The following TBC1D22A variants were observed in gnomAD, a reference collection of about 807,000 sequenced individuals.
TBC1D22A encodes the protein putative GTPase activator.
In TBC1D22A, 38 loss-of-function variants were observed where a neutral mutation model predicts 60.2. The ratio of observed to expected loss-of-function variants is 0.63; its 90% CI spans 0.49 to 0.83. The LOEUF (loss-of-function observed/expected upper bound fraction) is 0.83. Among genes scored for constraint, TBC1D22A ranks in the 40% least tolerant of loss-of-function variants. TBC1D22A has a pLI of 0.00. For missense variants in TBC1D22A, 628 were observed against 701.0 expected, an observed-to-expected ratio of 0.90 and a Z score of 1.18; for synonymous variants, 302 against 281.7, an observed-to-expected ratio of 1.07 and a Z score of -0.72.
chr22:47,051,941 A>G (rs1332320131), intron 11 of TBC1D22A, among the ~76,000 whole-genome samples: 1 of 152,206 alleles, frequency 6.6e-6, no homozygotes, highest in African/African-American at 2.4e-5. Flanking sequence ...AGCAGAGTGC[A>G]TTGCCACTAG....
chr22:46,802,220 C>T (rs568162290), intron 4 of TBC1D22A, among the ~76,000 whole-genome samples: 7 of 152,326 alleles, frequency 4.6e-5, no homozygotes, highest in South Asian at 4.1e-4. Flanking sequence ...GAGGAATCGG[C>T]GGCGAGGCTT....
intron 11 of TBC1D22A, among the ~76,000 whole-genome samples, chr22:47,070,880 T>C (rs1386610611): frequency 6.7e-6 from 1 of 149,792 alleles, no homozygotes; most frequent in Non-Finnish European, 1.5e-5. Flanking sequence ...GGAGCGGGGC[T>C]GACCTGACGG....
intron 3 of TBC1D22A, among the ~76,000 whole-genome samples, chr22:46,795,805 A>T (rs565620128): frequency 6.6e-6 from 1 of 152,332 alleles, no homozygotes; most frequent in South Asian, 2.1e-4. Context: ...TGATGAAACC[A>T]CATCAGTCAT....
At chr22:47,107,301 T>C (rs1426475972) in intron 11 of TBC1D22A, among the ~76,000 whole-genome samples, 1 of 152,154 alleles carries the variant, frequency 6.6e-6, no homozygotes, top group Non-Finnish European at 1.5e-5. Flanking sequence ...AGCATGTGAA[T>C]TAACCTGAAT....
At chr22:46,825,835 C>T (rs755248878) in intron 4 of TBC1D22A, among the ~76,000 whole-genome samples, 1 of 151,554 alleles carries the variant, frequency 6.6e-6, no homozygotes, top group African/African-American at 2.4e-5. Context: ...TATGAAAAAA[C>T]GTTTTTCAAA....
chr22:46,827,996 T>C (rs1327770375), intron 4 of TBC1D22A, among the ~76,000 whole-genome samples: 1 of 152,118 alleles, frequency 6.6e-6, no homozygotes, highest in African/African-American at 2.4e-5. Flanking sequence ...CGTCGTGCAG[T>C]GTAATTTCCC....
intron 10 of TBC1D22A, among the ~76,000 whole-genome samples, chr22:47,000,511 G>A (rs1237231126): frequency 6.6e-6 from 1 of 152,232 alleles, no homozygotes; most frequent in Non-Finnish European, 1.5e-5. Flanking sequence ...AATGAAGAGA[G>A]AGGGCTGTGT....
At chr22:46,895,416 C>G (rs1467495225) in intron 7 of TBC1D22A, among the ~76,000 whole-genome samples, 1 of 152,164 alleles carries the variant, frequency 6.6e-6, no homozygotes, top group Non-Finnish European at 1.5e-5. Flanking sequence ...CTCTGTCGCC[C>G]AGGCTGGAGT....
In TBC1D22A at chr22:46,890,263, G is replaced by A. The variant is rs192132985; in HGVS notation, c.709-1003G>A. On this transcript the variant is annotated intron_variant, in intron 5 of 12. Transcript: ENST00000337137. ...CTGAGGCAGGAGATCACTTGAACCC[G>A]TGAGGTGGAGTTTGCAGTGACCCGA... 1.6e-3 allele frequency among the ~76,000 whole-genome samples: 250 copies of A among 152,194 alleles called. 1 individual carries two copies. Among genetic ancestry groups the A allele is most frequent in the Middle Eastern group, 0.014 (4 of 294 alleles).
chr22:46,806,601 G>T (rs2085151861), intron 4 of TBC1D22A, among the ~76,000 whole-genome samples: 1 of 150,826 alleles, frequency 6.6e-6, no homozygotes. Flanking sequence ...AAAAAGTATG[G>T]CCACAGACCA....
At chr22:46,786,230 G>A (rs1470240534) in intron 1 of TBC1D22A, among the ~76,000 whole-genome samples, 2 of 152,120 alleles carry the variant, frequency 1.3e-5, no homozygotes, top group Admixed American at 1.3e-4. Context: ...AATGAGTATT[G>A]AATTTTATCA....
rs2069264525 is a variant in TBC1D22A at position 46,904,152 on chromosome 22, TAC to T, written c.901-7921_901-7920del. ...CTATCTATCTATCTATCTACCTACCTACCTACCTACCTACCTACCTACCAGTC... is the reference window on the plus strand; with the variant it reads ...CTATCTATCTATCTATCTACCTACCTCTACCTACCTACCTACCTACCAGTC... On this transcript the variant is annotated intron_variant, in intron 7 of 12. Transcript: ENST00000337137. 2.4e-4 allele frequency among the ~76,000 whole-genome samples: 27 copies of T among 114,846 alleles called. 1 individual carries two copies. In the South Asian group the frequency reaches 8.0e-3, roughly 34 times the overall value. The allele number at this position is 114,846 out of a possible 152,430, so 75.3% of individuals were successfully genotyped here.
chr22:47,158,870 C>A (rs1297070748), intron 12 of TBC1D22A, among the ~76,000 whole-genome samples: 8 of 152,014 alleles, frequency 5.3e-5, no homozygotes, highest in Admixed American at 5.2e-4. Context: ...GGCGCAGGTC[C>A]CCTCCCCAGG....
At chr22:46,921,171 G>A (rs9626922) in intron 8 of TBC1D22A, among the ~76,000 whole-genome samples, 2,151 of 152,264 alleles carry the variant, frequency 0.014, 47 homozygotes, top group African/African-American at 0.05. Flanking sequence ...TTGGTGTACA[G>A]ATTATTTAGT....
chr22:46,964,874 G>A (rs17174802), intron 8 of TBC1D22A, among the ~76,000 whole-genome samples: 4 of 152,216 alleles, frequency 2.6e-5, no homozygotes, highest in South Asian at 2.1e-4. Context: ...ACGTGGGCTC[G>A]TTAGAATTGC....
chr22:47,034,698 T>A (rs2062599139), intron 10 of TBC1D22A, among the ~76,000 whole-genome samples: 1 of 151,954 alleles, frequency 6.6e-6, no homozygotes, highest in Non-Finnish European at 1.5e-5. Context: ...GGGGAGGCAA[T>A]CCCTGGCCTA....
At chr22:47,096,778 T>C (rs1223193533) in intron 11 of TBC1D22A, among the ~76,000 whole-genome samples, 3 of 152,238 alleles carry the variant, frequency 2.0e-5, no homozygotes, top group South Asian at 2.1e-4. Context: ...GCCGAGATTG[T>C]GCCACAGCAC....
rs561345144 is a variant in TBC1D22A, at chr22:46,792,639, C to T, written c.119+63C>T. ...TGATATGGGAGGGCTGTGGCAACCC[C>T]GGTCTTCCTGCTTCCTTCCTGCTCC... On this transcript the variant is annotated intron_variant, in intron 2 of 12. Transcript: ENST00000337137. 113 of 1,613,660 alleles carry T rather than the reference C, an allele frequency of 7.0e-5. 1 individual carries two copies. The South Asian group carries it at 7.8e-4, about 11-fold the overall frequency.
At chr22:46,904,142 T>TACCTACCTACCTACCTACCTAC (rs2069247452) in intron 7 of TBC1D22A, among the ~76,000 whole-genome samples, 1 of 134,500 alleles carries the variant, frequency 7.4e-6, no homozygotes, top group African/African-American at 3.0e-5. Context: ...TATCTATCTA[T>TACCTACCTACCTACCTACCTAC]CTACCTACCT....
Sources: gnomAD v4.1 joint callset for allele counts (sites outside exome capture counted in the v4.1 genomes callset) on GRCh38, gnomAD v4.1.1 for gene constraint, MANE v1.5 for transcripts, NCBI Gene and HGNC (gene_info 2026-07-23, HGNC 2026-07-21) for gene names.